The following CDH4 variants were observed in gnomAD, a reference collection of about 807,000 sequenced individuals.
The protein encoded by CDH4 is cadherin 4.
CDH4 carries 33 observed loss-of-function variants against 86.0 expected under a neutral mutation model. That is an observed-to-expected ratio of 0.38 (90% CI 0.29 to 0.51). The LOEUF (loss-of-function observed/expected upper bound fraction) is 0.51. Among genes scored for constraint, CDH4 ranks in the 20% least tolerant of loss-of-function variants. The pLI, the probability that CDH4 is intolerant of heterozygous loss-of-function variation, is 0.86. For missense variants in CDH4, 1,114 were observed against 1,307.4 expected, an observed-to-expected ratio of 0.85 and a Z score of 2.28; for synonymous variants, 555 against 549.4, an observed-to-expected ratio of 1.01 and a Z score of -0.14.
Position 61,401,945 on chromosome 20 carries a change from T to C in CDH4, c.169+147008T>C, listed in dbSNP as rs374412028. Among the ~76,000 whole-genome samples, 88 of 152,338 alleles carry C rather than the reference T, an allele frequency of 5.8e-4. No homozygotes were observed. The South Asian group carries it at 0.018, about 31-fold the overall frequency. On this transcript the variant is annotated intron_variant, in intron 2 of 15. Transcript: ENST00000614565. ...AGAACTGACCAGCTGCACATGCATT[T>C]AATGATGGACTTCTATAACCATCTT...
At chr20:61,293,822 T>A (rs558028572) in intron 2 of CDH4, among the ~76,000 whole-genome samples, 77 of 152,308 alleles carry the variant, frequency 5.1e-4, no homozygotes, top group African/African-American at 1.6e-3. Flanking sequence ...GAGTGCCTGC[T>A]TCTTCCTGGC....
At chr20:61,593,816 G>A (rs1014660930) in intron 2 of CDH4, among the ~76,000 whole-genome samples, 19 of 151,376 alleles carry the variant, frequency 1.3e-4, no homozygotes, top group Non-Finnish European at 2.2e-4. Flanking sequence ...AGTCTGGGCC[G>A]TGCCTGGCAT....
chr20:61,461,006 C>T (rs879609398), intron 2 of CDH4, among the ~76,000 whole-genome samples: 6 of 152,162 alleles, frequency 3.9e-5, no homozygotes, highest in Admixed American at 1.3e-4. Context: ...CCATCTAAGC[C>T]GCCTGTTTCC....
At chr20:61,892,411 G>T (rs1328344290) in intron 7 of CDH4, among the ~76,000 whole-genome samples, 5 of 152,242 alleles carry the variant, frequency 3.3e-5, no homozygotes, top group African/African-American at 1.2e-4. Flanking sequence ...CCAGAGCTCA[G>T]GTTGGCAAGG....
chr20:61,533,383 C>T (rs540978186), intron 2 of CDH4, among the ~76,000 whole-genome samples: 1 of 152,342 alleles, frequency 6.6e-6, no homozygotes, highest in African/African-American at 2.4e-5. Flanking sequence ...GTGGCTGCAA[C>T]CCGCTGATGT....
chr20:61,345,181 A>G (rs2084671428), intron 2 of CDH4, among the ~76,000 whole-genome samples: 1 of 152,244 alleles, frequency 6.6e-6, no homozygotes, highest in Admixed American at 6.5e-5. Flanking sequence ...ATTTCGGGCC[A>G]GGCCCAGTGC....
chr20:61,692,231 G>A (rs549697542), intron 2 of CDH4, among the ~76,000 whole-genome samples: 2 of 148,120 alleles, frequency 1.4e-5, no homozygotes, highest in South Asian at 4.4e-4. Context: ...GTGTGTATGT[G>A]TGTGTATGTA....
At chr20:61,685,712 G>A (rs575916367) in intron 2 of CDH4, among the ~76,000 whole-genome samples, 67 of 152,324 alleles carry the variant, frequency 4.4e-4, no homozygotes, top group African/African-American at 1.6e-3. Context: ...CCCGCTGTCC[G>A]GACTCAGAGC....
chr20:61,695,675 C>T (rs1282654835), intron 2 of CDH4, among the ~76,000 whole-genome samples: 1 of 152,124 alleles, frequency 6.6e-6, no homozygotes, highest in African/African-American at 2.4e-5. Flanking sequence ...CAGGGGAGGT[C>T]AAAAATGCAG....
intron 8 of CDH4, among the ~76,000 whole-genome samples, chr20:61,907,047 C>A (rs1436257929): frequency 6.6e-6 from 1 of 152,040 alleles, no homozygotes; most frequent in Non-Finnish European, 1.5e-5. Context: ...TGCAAAGCTC[C>A]CCCAACCCTG....
chr20:61,662,366 C>T lies in CDH4; in HGVS notation c.170-81197C>T, dbSNP rs1373740490. ...GCAACCTCTGTCAGGGCAAGTGTAG[C>T]ACCAGGTTGTGCTGTCCAATTAATG... On this transcript the variant is annotated intron_variant, in intron 2 of 15. Coordinates refer to ENST00000614565, the MANE Select transcript of CDH4 (RefSeq NM_001794.5). 4.6e-5 allele frequency among the ~76,000 whole-genome samples: 7 copies of T among 152,218 alleles called. No individual in the cohort carries two copies. The East Asian group carries it at 7.7e-4, about 17-fold the overall frequency.
chr20:61,734,140 A>G lies in CDH4; in HGVS notation c.170-9423A>G, dbSNP rs145512282. Among the ~76,000 whole-genome samples, 770 of 152,316 alleles carry G rather than the reference A, an allele frequency of 5.1e-3. 3 individuals are homozygous for G. The highest frequency in any genetic ancestry group is 0.018 in the African/African-American group (734 of 41,580). On this transcript the variant is annotated intron_variant, in intron 2 of 15. Transcript: ENST00000614565. ...GGTGCGCGATGCCGAGTCTCCACAG[A>G]GGCTTTGGATCCGCATCACTGCACC... is the stretch of plus-strand genomic sequence containing the variant.
intron 8 of CDH4, among the ~76,000 whole-genome samples, chr20:61,904,005 G>A (rs941392244): frequency 6.6e-6 from 1 of 152,206 alleles, no homozygotes; most frequent in Non-Finnish European, 1.5e-5. Context: ...TCTTGCAAAT[G>A]TGGCTTCTCT....
At chr20:61,394,947 G>C (rs1171032431) in intron 2 of CDH4, among the ~76,000 whole-genome samples, 1 of 143,726 alleles carries the variant, frequency 7.0e-6, no homozygotes, top group Admixed American at 7.3e-5. Flanking sequence ...GGTCCATCCT[G>C]GAAAAGCGCT....
chr20:61,807,899 G>A lies in CDH4; in HGVS notation c.576+34717G>A, dbSNP rs750584602. 8.5e-4 allele frequency among the ~76,000 whole-genome samples: 130 copies of A among 152,336 alleles called. No individual in the cohort carries two copies. The highest frequency in any genetic ancestry group is 1.7e-3 in the African/African-American group (72 of 41,578). ...CTGGGCAGCAGGCTGTGGGCCTGGC[G>A]GGATGCAGGCACAGCGCGATCCAGC... is the stretch of plus-strand genomic sequence containing the variant. On this transcript the variant is annotated intron_variant, in intron 4 of 15. Transcript: ENST00000614565. This position sits in a 1 kb window ranked among gnomAD's most constrained non-coding sequence, Gnocchi z 4.5.
chr20:61,490,450 C>T (rs1356597339), intron 2 of CDH4, among the ~76,000 whole-genome samples: 1 of 152,152 alleles, frequency 6.6e-6, no homozygotes. Flanking sequence ...CCTGTAATGC[C>T]AGCACTTTGG....
chr20:61,905,397 G>A (rs2054778211), intron 8 of CDH4, among the ~76,000 whole-genome samples: 1 of 152,238 alleles, frequency 6.6e-6, no homozygotes, highest in Admixed American at 6.5e-5. Context: ...CAGAAGGACG[G>A]GAGTGAGTGG....
At chr20:61,871,083 G>C (rs1321550126) in intron 6 of CDH4, among the ~76,000 whole-genome samples, 1 of 152,040 alleles carries the variant, frequency 6.6e-6, no homozygotes, top group Non-Finnish European at 1.5e-5. Flanking sequence ...CAGAGAGAGA[G>C]ACAGAGACAG....
At chr20:61,409,459 G>A (rs1461885403) in intron 2 of CDH4, among the ~76,000 whole-genome samples, 1 of 152,218 alleles carries the variant, frequency 6.6e-6, no homozygotes, top group Non-Finnish European at 1.5e-5. Context: ...TGAAAATTAA[G>A]CATCCAACAC....
Sources: allele counts gnomAD v4.1 joint callset (sites outside exome capture counted in the v4.1 genomes callset), GRCh38; gene constraint gnomAD v4.1.1; non-coding constraint Gnocchi (gnomAD v3.1); transcripts MANE v1.5; gene names NCBI Gene and HGNC (gene_info 2026-07-23, HGNC 2026-07-21).